The following KCNQ5 variants were observed in gnomAD, a reference collection of about 807,000 sequenced individuals.
KCNQ5 encodes potassium voltage-gated channel subfamily KQT member 5.
KCNQ5 carries 30 observed loss-of-function variants against 98.2 expected under a neutral mutation model. That is an observed-to-expected ratio of 0.31 (90% CI 0.23 to 0.41). KCNQ5 has a LOEUF of 0.41. Among genes scored for constraint, KCNQ5 ranks in the 10% least tolerant of loss-of-function variants. The pLI is 1.00. For missense variants in KCNQ5, 835 were observed against 1,182.5 expected, an observed-to-expected ratio of 0.71 and a Z score of 4.31; for synonymous variants, 458 against 449.4, an observed-to-expected ratio of 1.02 and a Z score of -0.24.
intron 1 of KCNQ5, among the ~76,000 whole-genome samples, chr6:72,692,076 A>G (rs1477631041): frequency 1.3e-5 from 2 of 152,190 alleles, no homozygotes; most frequent in Non-Finnish European, 1.5e-5. Context: ...TAATGTATTC[A>G]TTGCTGTGAT....
chr6:73,104,883 C>T (rs1452887178), intron 5 of KCNQ5, among the ~76,000 whole-genome samples: 3 of 152,144 alleles, frequency 2.0e-5, no homozygotes, highest in African/African-American at 7.2e-5. Context: ...TCAGGAAATG[C>T]CTGCTAAGGT....
Position 73,042,250 on chromosome 6 carries a change from T to A in KCNQ5, c.616+188T>A, listed in dbSNP as rs572846203. On this transcript the variant is annotated intron_variant, in intron 3 of 13. Transcript: ENST00000370398. ...TCTCCACAGCATTATGAGGTAGATA[T>A]TTTTATTATCCCCATTTTACAGTTG... 4 of 634,384 alleles carry A rather than the reference T, an allele frequency of 6.3e-6. No individual in the cohort carries two copies. In the East Asian group the frequency reaches 1.1e-4, roughly 18 times the overall value. 39.3% of individuals were successfully genotyped at this position (634,384 alleles called of 1,614,324 possible).
intron 1 of KCNQ5, among the ~76,000 whole-genome samples, chr6:72,948,651 AAG>A (rs1766657109): frequency 4.6e-5 from 7 of 152,094 alleles, no homozygotes; most frequent in Admixed American, 3.9e-4. Flanking sequence ...AATTTTCCTT[AAG>A]TTATTTTCTA....
At chr6:73,080,809 C>T (rs138484040) in intron 5 of KCNQ5, among the ~76,000 whole-genome samples, 87 of 152,208 alleles carry the variant, frequency 5.7e-4, no homozygotes, top group Non-Finnish European at 1.0e-3. Context: ...TCCACAGATA[C>T]GCTGTGCCAG....
intron 1 of KCNQ5, among the ~76,000 whole-genome samples, chr6:72,974,396 A>AG (rs1340237634): frequency 7.8e-4 from 119 of 152,148 alleles, no homozygotes; most frequent in Non-Finnish European, 1.3e-3. Flanking sequence ...AAAAAAAAAA[A>AG]AAAGGCCTAG....
intron 1 of KCNQ5, among the ~76,000 whole-genome samples, chr6:72,891,298 C>G (rs909627174): frequency 6.6e-6 from 1 of 152,080 alleles, no homozygotes; most frequent in Non-Finnish European, 1.5e-5. Flanking sequence ...AGAAAATGTT[C>G]ATTTATTCAA....
chr6:72,744,173 G>A (rs1771261047), intron 1 of KCNQ5, among the ~76,000 whole-genome samples: 1 of 152,234 alleles, frequency 6.6e-6, no homozygotes, highest in African/African-American at 2.4e-5. Context: ...CTCAGAGTAG[G>A]TGGGGAAGTG....
At chr6:72,630,770 T>C (rs1180722651) in intron 1 of KCNQ5, among the ~76,000 whole-genome samples, 1 of 152,222 alleles carries the variant, frequency 6.6e-6, no homozygotes, top group Non-Finnish European at 1.5e-5. Context: ...AGAGACAATG[T>C]GCTGGAAGGC....
intron 1 of KCNQ5, among the ~76,000 whole-genome samples, chr6:72,860,526 G>A (rs985833266): frequency 6.6e-6 from 1 of 152,098 alleles, no homozygotes; most frequent in Non-Finnish European, 1.5e-5. Flanking sequence ...TGAGGATTCT[G>A]TGAGACAATT....
chr6:72,809,440 T>C (rs201743460), intron 1 of KCNQ5, among the ~76,000 whole-genome samples: 4 of 151,992 alleles, frequency 2.6e-5, no homozygotes, highest in African/African-American at 9.7e-5. Flanking sequence ...TAATCCCAGC[T>C]ACTCAGGAGG....
At chr6:72,926,992 CTTCTT>C (rs1430417797) in intron 1 of KCNQ5, among the ~76,000 whole-genome samples, 11 of 152,218 alleles carry the variant, frequency 7.2e-5, no homozygotes, top group Middle Eastern at 3.4e-3. Context: ...GGTGACTTCT[CTTCTT>C]TTAAGTTCAA....
At chr6:73,190,788 C>T (rs1765565179) in intron 12 of KCNQ5, 84 bp downstream of exon 12, 11 of 789,844 alleles carry the variant, frequency 1.4e-5, no homozygotes, top group Non-Finnish European at 2.0e-5. Context: ...GAGTAAACCT[C>T]TGAACTCCAT....
At chr6:73,139,142 T>A (rs1776604571) in intron 10 of KCNQ5, among the ~76,000 whole-genome samples, 1 of 152,234 alleles carries the variant, frequency 6.6e-6, no homozygotes, top group Non-Finnish European at 1.5e-5. Flanking sequence ...CAATATCTTC[T>A]ATAGATGCAA....
At chr6:73,110,705 C>T (rs1041851462) in intron 6 of KCNQ5, among the ~76,000 whole-genome samples, 1 of 152,192 alleles carries the variant, frequency 6.6e-6, no homozygotes, top group African/African-American at 2.4e-5. Flanking sequence ...CTCCATTTTA[C>T]TTTTCTTTTA....
chr6:73,129,259 G>A (rs560777582), intron 9 of KCNQ5, among the ~76,000 whole-genome samples: 3 of 152,222 alleles, frequency 2.0e-5, no homozygotes, highest in South Asian at 4.1e-4. Flanking sequence ...AATAAGAAAC[G>A]TACTTTTCTT....
chr6:72,829,006 A>G (rs1252180246), intron 1 of KCNQ5, among the ~76,000 whole-genome samples: 2 of 152,176 alleles, frequency 1.3e-5, no homozygotes, highest in African/African-American at 4.8e-5. Context: ...ATACATATAT[A>G]GATATATTTA....
intron 7 of KCNQ5, among the ~76,000 whole-genome samples, chr6:73,113,629 CTT>C (rs1775354037): frequency 6.6e-6 from 1 of 152,268 alleles, no homozygotes; most frequent in South Asian, 2.1e-4. Context: ...CCTGATCTAA[CTT>C]GTCATTATTG....
chr6:72,859,177 T>G (rs1017943116), intron 1 of KCNQ5, among the ~76,000 whole-genome samples: 1 of 152,156 alleles, frequency 6.6e-6, no homozygotes, highest in Non-Finnish European at 1.5e-5. Context: ...AGTTTTATTA[T>G]AATAGAGTTG....
chr6:73,045,128 T>A (rs1771903310), intron 3 of KCNQ5, among the ~76,000 whole-genome samples: 1 of 152,100 alleles, frequency 6.6e-6, no homozygotes, highest in African/African-American at 2.4e-5. Flanking sequence ...TTTTAGCATG[T>A]CCCCTTCTGA....
Sources: allele counts gnomAD v4.1 joint callset (sites outside exome capture counted in the v4.1 genomes callset), GRCh38; gene constraint gnomAD v4.1.1; transcripts MANE v1.5; gene names NCBI Gene and HGNC (gene_info 2026-07-23, HGNC 2026-07-21).